The following NDST4 variants were observed in gnomAD, a reference collection of about 807,000 sequenced individuals.
The protein encoded by NDST4 is N-deacetylase and N-sulfotransferase 4, also known as N-heparan sulfate sulfotransferase 4.
NDST4 carries 63 observed loss-of-function variants against 100.8 expected under a neutral mutation model. The ratio of observed to expected loss-of-function variants is 0.62; its 90% CI spans 0.51 to 0.77. The LOEUF is 0.77. NDST4 is among the 30% of genes least tolerant of loss of function. The pLI is 0.00. For missense variants in NDST4, 943 were observed against 1,018.4 expected (o/e 0.93, Z 1.01); for synonymous variants, 377 against 361.8 (o/e 1.04, Z -0.48).
chr4:114,961,226 C>T (rs1157424340), intron 4 of NDST4, among the ~76,000 whole-genome samples: 3 of 151,676 alleles, frequency 2.0e-5, no homozygotes, highest in Admixed American at 1.3e-4. Flanking sequence ...AAATTCATAG[C>T]TGTAAAATGC....
At chr4:114,919,168 A>T (rs943716512) in intron 6 of NDST4, among the ~76,000 whole-genome samples, 1 of 152,224 alleles carries the variant, frequency 6.6e-6, no homozygotes, top group Non-Finnish European at 1.5e-5. Context: ...TTAAAATTCA[A>T]ATCAATTTCT....
intron 6 of NDST4, among the ~76,000 whole-genome samples, chr4:114,880,376 A>G (rs966737905): frequency 3.3e-5 from 5 of 152,114 alleles, no homozygotes; most frequent in African/African-American, 1.2e-4. Flanking sequence ...AATCTGAGTT[A>G]TTTACCATTA....
intron 1 of NDST4, among the ~76,000 whole-genome samples, chr4:115,087,775 CT>C (rs960132922): frequency 6.6e-6 from 1 of 151,672 alleles, no homozygotes; most frequent in Non-Finnish European, 1.5e-5. Context: ...CAAAAGTAAA[CT>C]TTTTTTCTGT....
chr4:114,847,815 A>G (rs1332539145), intron 9 of NDST4, among the ~76,000 whole-genome samples: 1 of 152,230 alleles, frequency 6.6e-6, no homozygotes, highest in Admixed American at 6.5e-5. Context: ...GTTAATGAAG[A>G]TACATGTCAC....
At position 114,838,457 on chromosome 4, in the gene NDST4, G is replaced by A. The variant is rs1388928533; in HGVS notation, c.2286+921C>T. On this transcript the variant is annotated intron_variant, in intron 11 of 13. Coordinates refer to ENST00000264363, the MANE Select transcript of NDST4 (RefSeq NM_022569.3). ...TTTTAGACTGGATAAAGAAAATATG[G>A]CACATATACACCATGGAATACTATG... is the stretch of plus-strand genomic sequence containing the variant. 8.5e-5 allele frequency among the ~76,000 whole-genome samples: 13 copies of A among 152,268 alleles called. 1 individual carries two copies. In the East Asian group the frequency reaches 2.3e-3, roughly 27 times the overall value.
chr4:115,075,779 G>A (rs1729165513), intron 2 of NDST4, among the ~76,000 whole-genome samples: 1 of 47,922 alleles, frequency 2.1e-5, no homozygotes, highest in South Asian at 5.0e-4. Flanking sequence ...GCAAGAGTCT[G>A]TTCAGAAAAA....
At chr4:115,070,857 C>A (rs1729060983) in intron 2 of NDST4, among the ~76,000 whole-genome samples, 1 of 152,128 alleles carries the variant, frequency 6.6e-6, no homozygotes, top group African/African-American at 2.4e-5. Flanking sequence ...GTAATCCCAG[C>A]AACTTGGGAG....
rs147555670 is a variant in NDST4, at chr4:115,023,641, A to T, written c.979-46367T>A. On this transcript the variant is annotated intron_variant, in intron 2 of 13. Transcript: ENST00000264363. ...AATTTTTAATTAAAAGAGAAGCAGA[A>T]TGTAAAAAATTGTAAAATTTGCAGC... Among the ~76,000 whole-genome samples, 7 of 152,238 alleles carry T rather than the reference A, an allele frequency of 4.6e-5. No homozygotes were observed. In the East Asian group the frequency reaches 1.4e-3, roughly 29 times the overall value.
intron 2 of NDST4, among the ~76,000 whole-genome samples, chr4:115,013,524 T>C (rs6836349): frequency 0.068 from 10,359 of 151,640 alleles, 1,149 homozygotes; most frequent in African/African-American, 0.23. Context: ...TCAGATGTTT[T>C]AGGGACTATA....
intron 4 of NDST4, among the ~76,000 whole-genome samples, chr4:114,957,409 T>C (rs1377943863): frequency 6.6e-6 from 1 of 152,098 alleles, no homozygotes; most frequent in African/African-American, 2.4e-5. Context: ...ATCAAAAGAA[T>C]AGTATGGGAA....
At chr4:114,968,257 C>T (rs1254809194) in intron 4 of NDST4, among the ~76,000 whole-genome samples, 1 of 152,096 alleles carries the variant, frequency 6.6e-6, no homozygotes, top group Non-Finnish European at 1.5e-5. Context: ...TGGCTTAAAA[C>T]AACGAAAATA....
At chr4:114,906,861 T>C (rs890273367) in intron 6 of NDST4, among the ~76,000 whole-genome samples, 1 of 152,200 alleles carries the variant, frequency 6.6e-6, no homozygotes, top group African/African-American at 2.4e-5. Context: ...TTTTTCACAA[T>C]TAAGCCTGTT....
chr4:114,899,060 T>A (rs1287811647), intron 6 of NDST4, among the ~76,000 whole-genome samples: 1 of 152,198 alleles, frequency 6.6e-6, no homozygotes, highest in Non-Finnish European at 1.5e-5. Context: ...AGTACAATGT[T>A]CAAAGAGTGT....
rs534776582 is a variant in NDST4, at chr4:114,912,002, T to C, written c.1536+23204A>G. Among the ~76,000 whole-genome samples, 5 of 152,276 alleles carry C rather than the reference T, an allele frequency of 3.3e-5. No homozygotes were observed. The South Asian group carries it at 8.3e-4, about 25-fold the overall frequency. On this transcript the variant is annotated intron_variant, in intron 6 of 13. Coordinates refer to ENST00000264363, the MANE Select transcript of NDST4 (RefSeq NM_022569.3). ...CAGACAGATGTAGTCTAATACAATA[T>C]GTTGGTAATAACCTGCTACCAATGG...
At chr4:114,898,475 G>A (rs558067585) in intron 6 of NDST4, among the ~76,000 whole-genome samples, 2 of 152,214 alleles carry the variant, frequency 1.3e-5, no homozygotes, top group Admixed American at 6.5e-5. Context: ...ATCCCTTGAA[G>A]TCGGGTAGTG....
rs1210489883 is a variant in NDST4, at chr4:115,097,183, T to C, written c.-247+16261A>G. Among the ~76,000 whole-genome samples the C allele has an allele frequency of 3.3e-5, 5 of 152,128 alleles. No homozygotes were observed. The East Asian group carries it at 7.7e-4, about 23-fold the overall frequency. ...CTTGGGATATCTTACAATGTTCTAGTTTTAAGTACTATTGATAAAGTTGAC... is the reference window on the plus strand; with the variant it reads ...CTTGGGATATCTTACAATGTTCTAGCTTTAAGTACTATTGATAAAGTTGAC... On this transcript the variant is annotated intron_variant, in intron 1 of 13. Coordinates refer to ENST00000264363, the MANE Select transcript of NDST4 (RefSeq NM_022569.3).
intron 4 of NDST4, among the ~76,000 whole-genome samples, chr4:114,945,208 C>CAAAAAAAAAAAAAA (rs1173970826): frequency 3.7e-5 from 2 of 53,764 alleles, no homozygotes; most frequent in Non-Finnish European, 6.7e-5. Context: ...AACTCCGTCT[C>CAAAAAAAAAAAAAA]AAAAAAAAAA....
intron 8 of NDST4, 100 bp from the exon 9 acceptor site, chr4:114,848,438 A>T: frequency 2.2e-6 from 2 of 906,738 alleles, no homozygotes; most frequent in East Asian, 5.1e-5. Flanking sequence ...ATAATCAACT[A>T]TTTCCAGTAT....
chr4:115,036,998 G>C lies in NDST4; in HGVS notation c.978+39061C>G, dbSNP rs137973402. Among the ~76,000 whole-genome samples, 344 of 151,982 alleles carry C rather than the reference G, an allele frequency of 2.3e-3. 1 individual carries two copies. Among genetic ancestry groups the C allele is most frequent in the African/African-American group, 8.0e-3 (331 of 41,496 alleles). On this transcript the variant is annotated intron_variant, in intron 2 of 13. Coordinates refer to ENST00000264363, the MANE Select transcript of NDST4 (RefSeq NM_022569.3). Reference sequence around the variant, plus strand: ...TAGCTTTTTATATATTATTTTGCTTGATAAATTATGTGTTTTAATAGAGAA... The same window carrying C: ...TAGCTTTTTATATATTATTTTGCTTCATAAATTATGTGTTTTAATAGAGAA...
Sources: gnomAD v4.1 joint callset for allele counts (sites outside exome capture counted in the v4.1 genomes callset) on GRCh38, gnomAD v4.1.1 for gene constraint, MANE v1.5 for transcripts, NCBI Gene and HGNC (gene_info 2026-07-23, HGNC 2026-07-21) for gene names.